The following DNAAF3 variants were observed in gnomAD, a reference collection of about 807,000 sequenced individuals.
DNAAF3 encodes UPF0470 protein C19orf51.
DNAAF3 carries 40 observed loss-of-function variants against 50.9 expected under a neutral mutation model. That is an observed-to-expected ratio of 0.79 (90% CI 0.61 to 1.02). The LOEUF (loss-of-function observed/expected upper bound fraction) is 1.02. Among genes scored for constraint, DNAAF3 ranks in the 50% least tolerant of loss-of-function variants. The probability of loss-of-function intolerance (pLI) is 0.00; values close to 1 mark genes in which losing one functional copy is unlikely to be tolerated. For missense variants in DNAAF3, 763 were observed against 744.7 expected, an observed-to-expected ratio of 1.02 and a Z score of -0.29; for synonymous variants, 327 against 322.8, an observed-to-expected ratio of 1.01 and a Z score of -0.14.
In DNAAF3 at chr19:55,161,290, C is replaced by T; in HGVS notation, c.789+3G>A. ...TGGGCCAGGACAGGCAGTGGACACG[C>T]ACGTAGCTCAGGAGGCGACCGGACG... On this transcript the variant is annotated splice_donor_region_variant and intron_variant, in intron 7 of 11. Coordinates refer to ENST00000524407, the MANE Select transcript of DNAAF3 (RefSeq NM_001256715.2). This position sits in a 1 kb window ranked among gnomAD's most constrained non-coding sequence, Gnocchi z 6.4. 6.2e-7 allele frequency: 1 copy of T among 1,609,112 alleles called. No individual in the cohort carries two copies. Among genetic ancestry groups the T allele is most frequent in the Non-Finnish European group, 8.5e-7 (1 of 1,177,266 alleles).
chr19:55,162,101 C>T, intron 5 of DNAAF3, 32 bp downstream of exon 5: 2 of 1,241,588 alleles, frequency 1.6e-6, no homozygotes, highest in Non-Finnish European at 1.0e-6. Context: ...CCCGCGGCCA[C>T]CCGATCCCAG....
In DNAAF3 at chr19:55,166,596, CA is replaced by C; in HGVS notation, c.-79del. 6.2e-7 allele frequency: 1 copy of C among 1,614,214 alleles called. No individual in the cohort carries two copies. The highest frequency in any genetic ancestry group is 8.5e-7 in the Non-Finnish European group (1 of 1,180,030). On this transcript the variant is annotated 5_prime_UTR_variant, in exon 1 of 12. Coordinates refer to ENST00000524407, the MANE Select transcript of DNAAF3 (RefSeq NM_001256715.2). The surrounding 1 kb of genome is among the most constrained non-coding windows in gnomAD (Gnocchi z 4.0). Reference sequence around the variant, plus strand: ...AGCACTGTGGACCCGCGGCACTCCACAACCGCTGCCCAGAGTCCCCGCCCTT... The same window carrying C: ...AGCACTGTGGACCCGCGGCACTCCACACCGCTGCCCAGAGTCCCCGCCCTT...
chr19:55,165,745 T>G (rs1330397378), intron 3 of DNAAF3, 113 bp downstream of exon 3: 1 of 1,511,066 alleles, frequency 6.6e-7, no homozygotes, highest in Non-Finnish European at 8.9e-7. Flanking sequence ...TCTGCCTCCC[T>G]CAGATCTAGG....
At chr19:55,165,244 G>T in intron 4 of DNAAF3, 126 bp downstream of exon 4, 1 of 903,386 alleles carries the variant, frequency 1.1e-6, no homozygotes, top group Non-Finnish European at 1.8e-6. Context: ...CGCGATCTCG[G>T]CTCACTGTAA....
At chr19:55,162,434 G>T in intron 4 of DNAAF3, 144 bp from the exon 5 acceptor site, 1 of 1,012,038 alleles carries the variant, frequency 9.9e-7, no homozygotes. Flanking sequence ...ACTACATGAA[G>T]AACAGGGCCG....
rs747883189 is a variant in DNAAF3 at position 55,159,123 on chromosome 19, G to C, written c.1565C>G (p.Ala522Gly). The change falls in exon 12 of 12, where the codon GCT (alanine) becomes GGT (glycine). Residue 522 changes from alanine (A) to glycine (G), a missense_variant. Ala to Gly is a moderately conservative substitution (Grantham distance 60). Coordinates refer to ENST00000524407, the MANE Select transcript of DNAAF3 (RefSeq NM_001256715.2). ...ESPGSLSEVL[A>G]QPQGALAPPN... ...CGGAGCCAAGGCCCCCTGAGGCTGAGCCAGAACCTCTGAGAGTGAACCTGG... is the reference window on the plus strand; with the variant it reads ...CGGAGCCAAGGCCCCCTGAGGCTGACCCAGAACCTCTGAGAGTGAACCTGG... 6.2e-7 allele frequency: 1 copy of C among 1,613,374 alleles called. No individual in the cohort carries two copies. Among genetic ancestry groups the C allele is most frequent in the Non-Finnish European group, 8.5e-7 (1 of 1,179,846 alleles).
Position 55,160,856 on chromosome 19 carries a change from G to C in DNAAF3, c.913-81C>G. 1.3e-6 allele frequency: 2 copies of C among 1,527,020 alleles called. No homozygotes were observed. Among genetic ancestry groups the C allele is most frequent in the Admixed American group, 4.6e-5 (2 of 43,610 alleles). 94.6% of individuals were successfully genotyped at this position (1,527,020 alleles called of 1,614,324 possible). ...TAGAACGCTGGGAGTCCTCGGTCCAGGACTAGAACTCCCGCAGCTGCTTGG... is the reference window on the plus strand; with the variant it reads ...TAGAACGCTGGGAGTCCTCGGTCCACGACTAGAACTCCCGCAGCTGCTTGG... On this transcript the variant is annotated intron_variant, in intron 8 of 11. Transcript: ENST00000524407. The surrounding 1 kb of genome is among the most constrained non-coding windows in gnomAD (Gnocchi z 4.7).
At chr19:55,162,997 C>CTTTTTTT (rs576178532) in intron 4 of DNAAF3, among the ~76,000 whole-genome samples, 1,192 of 92,250 alleles carry the variant, frequency 0.013, 38 homozygotes, top group Non-Finnish European at 0.017. Flanking sequence ...TTTTCTTTTT[C>CTTTTTTT]TTTTTTTTTT....
rs1177911245 is a variant in DNAAF3, at chr19:55,160,130, CT to C, written c.1049-118del. The stretch of plus-strand genomic sequence containing the variant: ...AGGCACACAGGACTTGGAGATAACA[CT>C]TTTTGTCCTCTTGCAGCTTTTTAAA... On this transcript the variant is annotated intron_variant, in intron 9 of 11. Transcript: ENST00000524407. The surrounding 1 kb of genome is among the most constrained non-coding windows in gnomAD (Gnocchi z 4.7). The C allele has an allele frequency of 2.8e-6, 2 of 708,126 alleles. No individual in the cohort carries two copies. The highest frequency in any genetic ancestry group is 5.0e-6 in the Non-Finnish European group (2 of 403,322). The allele number at this position is 708,126 out of a possible 1,614,324, so 43.9% of individuals were successfully genotyped here.
At chr19:55,165,048 G>A (rs1182186675) in intron 4 of DNAAF3, among the ~76,000 whole-genome samples, 2 of 15,808 alleles carry the variant, frequency 1.3e-4, no homozygotes, top group Admixed American at 1.1e-3. Flanking sequence ...TTTTTTTTTT[G>A]AGACGGAGTC....
At chr19:55,166,691 C>A, upstream of DNAAF3, 1 of 1,584,656 alleles carries the variant, frequency 6.3e-7, no homozygotes, top group Non-Finnish European at 8.6e-7. The surrounding 1 kb of genome is among the most constrained non-coding windows in gnomAD (Gnocchi z 4.0). Context: ...TGAGAGTGAG[C>A]GAGGCCCGCC....
chr19:55,165,812 C>T (rs2085928377), intron 3 of DNAAF3, 46 bp downstream of exon 3: 1 of 1,597,840 alleles, frequency 6.3e-7, no homozygotes, highest in Non-Finnish European at 8.5e-7. Context: ...TCCCTTCCTC[C>T]CTCAAGGACT....
At position 55,165,965 on chromosome 19, in the gene DNAAF3, C is replaced by G. The variant is rs1370985287; in HGVS notation, c.121G>C (p.Val41Leu). 4 of 1,614,214 alleles carry G rather than the reference C, an allele frequency of 2.5e-6. No homozygotes were observed. Among genetic ancestry groups the G allele is most frequent in the Non-Finnish European group, 3.4e-6 (4 of 1,180,042 alleles). ...PVDPDSQADT[V>L]HSNPELDVLL... Reference sequence around the variant, plus strand: ...ACATCTAGCTCGGGGTTGCTGTGCACTGTATCGGCCTGGGAGTCTGGGTCC... The same window carrying G: ...ACATCTAGCTCGGGGTTGCTGTGCAGTGTATCGGCCTGGGAGTCTGGGTCC... The change falls in exon 3 of 12, where the codon GTG becomes CTG. Residue 41 changes from valine to leucine, a missense_variant. Val to Leu is a conservative substitution (Grantham distance 32, BLOSUM62 1). Coordinates refer to ENST00000524407, the MANE Select transcript of DNAAF3 (RefSeq NM_001256715.2).
intron 4 of DNAAF3, among the ~76,000 whole-genome samples, chr19:55,164,849 A>G (rs1392738022): frequency 6.6e-6 from 1 of 151,954 alleles, no homozygotes; most frequent in African/African-American, 2.4e-5. Context: ...AAGTGGCTCT[A>G]AGATGTATTA....
rs2085856408 is a variant in DNAAF3 at position 55,162,524 on chromosome 19, T to A, written c.323-234A>T. The A allele has an allele frequency of 2.0e-5, 16 of 817,022 alleles. No homozygotes were observed. In the South Asian group the frequency reaches 9.3e-4, roughly 48 times the overall value. The allele number at this position is 817,022 out of a possible 1,614,324, so 50.6% of individuals were successfully genotyped here. On this transcript the variant is annotated intron_variant, in intron 4 of 11. Coordinates refer to ENST00000524407, the MANE Select transcript of DNAAF3 (RefSeq NM_001256715.2). ...ATCGCTTGAACCCGGAGGCGGAGGT[T>A]GCAATGGGCCGAGATCATGCCATTG...
At chr19:55,162,363 T>C in intron 4 of DNAAF3, 73 bp from the exon 5 acceptor site, 2 of 1,235,742 alleles carry the variant, frequency 1.6e-6, no homozygotes, top group Admixed American at 4.2e-5. Flanking sequence ...TAATATGTTA[T>C]TATGTCATAG....
At position 55,161,288 on chromosome 19, in the gene DNAAF3, C is replaced by T. The variant is rs376485677; in HGVS notation, c.789+5G>A. ...AGTGGGCCAGGACAGGCAGTGGACACGCACGTAGCTCAGGAGGCGACCGGA... is the reference window on the plus strand; with the variant it reads ...AGTGGGCCAGGACAGGCAGTGGACATGCACGTAGCTCAGGAGGCGACCGGA... On this transcript the variant is annotated splice_donor_5th_base_variant and intron_variant, in intron 7 of 11. Transcript: ENST00000524407. The surrounding 1 kb of genome is among the most constrained non-coding windows in gnomAD (Gnocchi z 6.4). 111 of 1,608,386 alleles carry T rather than the reference C, an allele frequency of 6.9e-5. No homozygotes were observed. The highest frequency in any genetic ancestry group is 1.7e-4 in the Middle Eastern group (1 of 5,962).
chr19:55,160,725 C>T lies in DNAAF3; in HGVS notation c.963G>A (p.Val321=). ...TGGCTCTCGCGCGCCCCCAGGCGGC[C>T]ACGTCGCGGAGCAGCTCCGTCACGT... ...QHNVTELLRD[V]AAWGRARATG... Residue 321 remains valine, a synonymous_variant, in exon 9 of 12, where the codon GTG becomes GTA. Coordinates refer to ENST00000524407, the MANE Select transcript of DNAAF3 (RefSeq NM_001256715.2). The surrounding 1 kb of genome is among the most constrained non-coding windows in gnomAD (Gnocchi z 4.7). The T allele has an allele frequency of 6.2e-7, 1 of 1,613,050 alleles. No homozygotes were observed. The highest frequency in any genetic ancestry group is 1.1e-5 in the South Asian group (1 of 91,038).
chr19:55,163,296 TCGCGCCCGGCGGC>T (rs2085876206), intron 4 of DNAAF3, among the ~76,000 whole-genome samples: 14 of 122,428 alleles, frequency 1.1e-4, no homozygotes, highest in African/African-American at 4.1e-4. Flanking sequence ...GCGTGAGCCA[TCGCGCCCGGCGGC>T]TAATTTTTTT....
Sources: gnomAD v4.1 joint callset for allele counts (sites outside exome capture counted in the v4.1 genomes callset) on GRCh38, gnomAD v4.1.1 for gene constraint, Gnocchi (gnomAD v3.1) non-coding constraint, MANE v1.5 for transcripts, NCBI Gene and HGNC (gene_info 2026-07-23, HGNC 2026-07-21) for gene names.